RIOK2: variants seen among roughly 807,000 people sequenced by gnomAD.
The protein encoded by RIOK2 is RIO kinase 2.
In RIOK2, 46 loss-of-function variants were observed where a neutral mutation model predicts 62.4. The observed-to-expected ratio is 0.74, with a 90% CI of 0.58 to 0.94. The LOEUF (loss-of-function observed/expected upper bound fraction) is 0.94, where lower values mean the gene tolerates loss of function less well. Ranked by LOEUF, RIOK2 falls within the 40% of genes least tolerant of loss-of-function variation. The probability of loss-of-function intolerance (pLI) is 0.00; values close to 1 mark genes in which losing one functional copy is unlikely to be tolerated. For missense variants in RIOK2, 574 were observed against 658.0 expected, an observed-to-expected ratio of 0.87 and a Z score of 1.40; for synonymous variants, 197 against 216.0, an observed-to-expected ratio of 0.91 and a Z score of 0.77.
intron 8 of RIOK2, chr5:97,166,882 A>G (rs937487445): frequency 9.8e-5 from 96 of 982,052 alleles, no homozygotes; most frequent in Non-Finnish European, 1.1e-4. Context: ...ATGTATCCAG[A>G]GACCTGCAAT....
chr5:97,168,824 T>G lies in RIOK2; in HGVS notation c.808A>C (p.Lys270Gln). ...CTGAAACGTTTCATAAAGAAATCTT[T>G]AATGCATTTAACATCTCTGTCAAAA... The part of the protein sequence containing the change: ...WYFDRDVKCI[K>Q]DFFMKRFSYE... The change falls in exon 7 of 10, where the codon AAA (lysine) becomes CAA (glutamine). Residue 270 changes from lysine (K) to glutamine (Q), a missense_variant. By Grantham distance (53) the Lys-to-Gln change is moderately conservative. Transcript: ENST00000283109. 1.9e-6 allele frequency: 3 copies of G among 1,597,910 alleles called. No individual in the cohort carries two copies. Among genetic ancestry groups the G allele is most frequent in the Non-Finnish European group, 2.6e-6 (3 of 1,174,632 alleles).
intron 5 of RIOK2, 25 bp downstream of exon 5, chr5:97,173,150 G>T (rs1255289769): frequency 1.3e-6 from 2 of 1,483,928 alleles, no homozygotes; most frequent in East Asian, 2.3e-5. Context: ...CAGGATTCAT[G>T]GCTTTAAGAA....
chr5:97,181,419 T>A lies in RIOK2; in HGVS notation c.66+1707A>T, dbSNP rs144934228. The stretch of plus-strand genomic sequence containing the variant: ...GTGGATGCTATCACTGAGCAGGAGA[T>A]AATGGAAGAAAAGGAATGTTTGGGA... On this transcript the variant is annotated intron_variant, in intron 1 of 9. Coordinates refer to ENST00000283109, the MANE Select transcript of RIOK2 (RefSeq NM_018343.3). Among the ~76,000 whole-genome samples the A allele has an allele frequency of 1.7e-4, 26 of 152,030 alleles. No homozygotes were observed. In the East Asian group the frequency reaches 4.8e-3, roughly 28 times the overall value.
intron 8 of RIOK2, chr5:97,167,203 C>T (rs1025061529): frequency 1.1e-5 from 15 of 1,330,904 alleles, no homozygotes; most frequent in East Asian, 6.3e-5. Flanking sequence ...CAGGCATGAG[C>T]GAGCCACTGT....
chr5:97,177,209 CA>C lies in RIOK2; in HGVS notation c.404del (p.Leu135Ter), dbSNP rs1442276580. 1 of 1,613,508 alleles carries C rather than the reference CA, an allele frequency of 6.2e-7. No homozygotes were observed. The highest frequency in any genetic ancestry group is 8.5e-7 in the Non-Finnish European group (1 of 1,179,790). On this transcript the variant is annotated frameshift_variant, in exon 4 of 10. Coordinates refer to ENST00000283109, the MANE Select transcript of RIOK2 (RefSeq NM_018343.3). LOFTEE classifies it high-confidence loss of function. ...GTTTATGATAATCGCGTTTGTTTTT[CA>C]AATTTCGAAACGAGGTTCTTCCTAG... is the stretch of plus-strand genomic sequence containing the variant. The part of the protein sequence containing the change: ...HRLGRTSFRN[L>X]KNKRDYHKHR...
rs139446391 is a variant in RIOK2 at position 97,168,795 on chromosome 5, G to A, written c.837C>T (p.Tyr279=). ...TAAAAGTTGGAAAAAGCTCACTTTC[G>A]TAGCTGAAACGTTTCATAAAGAAAT... ...IKDFFMKRFS[Y]ESELFPTFKD... Residue 279 remains tyrosine (Y), a synonymous_variant, in exon 7 of 10, where the codon TAC becomes TAT. Coordinates refer to ENST00000283109, the MANE Select transcript of RIOK2 (RefSeq NM_018343.3). 83 of 1,600,868 alleles carry A rather than the reference G, an allele frequency of 5.2e-5. 1 individual carries two copies. The Admixed American group carries it at 6.4e-4, about 12-fold the overall frequency.
chr5:97,182,898 A>C, intron 1 of RIOK2: 2 of 558,898 alleles, frequency 3.6e-6, no homozygotes, highest in Non-Finnish European at 6.5e-6. Flanking sequence ...AGCAGAAAAG[A>C]AAACAATTAT....
chr5:97,181,507 A>T (rs1749414062), intron 1 of RIOK2, among the ~76,000 whole-genome samples: 1 of 152,138 alleles, frequency 6.6e-6, no homozygotes, highest in Non-Finnish European at 1.5e-5. Context: ...ATGATTATTG[A>T]TATAGGAGGA....
rs1561520374 is a variant in RIOK2 at position 97,177,175 on chromosome 5, T to C, written c.439A>G (p.Asn147Asp). ...NKRDYHKHRH[N>D]VSWLYLSRLS... ...CGAGATAAATATAGCCATGACACAT[T>C]GTGCCTATGTTTATGATAATCGCGT... Residue 147 changes from asparagine (N) to aspartate (D), a missense_variant, in exon 4 of 10, where the codon AAT becomes GAT. Asn to Asp is a conservative substitution (Grantham distance 23). Transcript: ENST00000283109. 17 of 1,613,074 alleles carry C rather than the reference T, an allele frequency of 1.1e-5. No individual in the cohort carries two copies. The highest frequency in any genetic ancestry group is 1.4e-5 in the Non-Finnish European group (16 of 1,179,412).
Position 97,163,147 on chromosome 5 carries a change from C to A in RIOK2, c.1573G>T (p.Glu525Ter), listed in dbSNP as rs1748747931. 1.2e-6 allele frequency: 2 copies of A among 1,613,530 alleles called. No individual in the cohort carries two copies. Among genetic ancestry groups the A allele is most frequent in the South Asian group, 2.2e-5 (2 of 91,078 alleles). ...SAVRRRLQKG[E>*]ANIFTKQRRE... ...CGTTGCTTGGTAAATATATTTGCTTCTCCTTTCTGCAATCGACGTCTGACA... is the reference window on the plus strand; with the variant it reads ...CGTTGCTTGGTAAATATATTTGCTTATCCTTTCTGCAATCGACGTCTGACA... The change falls in exon 10 of 10, where the codon GAA (glutamate) becomes TAA (stop). Residue 525 changes from glutamate (E) to a stop codon, truncating the protein, a stop_gained. Transcript: ENST00000283109. LOFTEE classifies it high-confidence loss of function.
intron 1 of RIOK2, among the ~76,000 whole-genome samples, chr5:97,181,857 G>A (rs1194033070): frequency 6.6e-6 from 1 of 152,158 alleles, no homozygotes; most frequent in Admixed American, 6.5e-5. Flanking sequence ...AGTGATAGTA[G>A]GTTTTCATAG....
intron 7 of RIOK2, 123 bp downstream of exon 7, chr5:97,168,637 A>G (rs1342971635): frequency 1.9e-6 from 1 of 530,172 alleles, no homozygotes; most frequent in Admixed American, 3.5e-5. Context: ...CAGAGCAATG[A>G]CATCTAACAG....
intron 1 of RIOK2, among the ~76,000 whole-genome samples, chr5:97,181,889 G>A (rs958158456): frequency 1.1e-4 from 16 of 152,142 alleles, no homozygotes; most frequent in African/African-American, 3.9e-4. Flanking sequence ...CTGATTAGAA[G>A]AATCTACATG....
intron 1 of RIOK2, 61 bp from the exon 2 acceptor site, chr5:97,179,254 C>G: frequency 6.5e-7 from 1 of 1,531,762 alleles, no homozygotes; most frequent in Non-Finnish European, 8.8e-7. Flanking sequence ...TATCAAAACC[C>G]TGCGAAATTA....
Position 97,161,619 on chromosome 5 carries a change from A to T in RIOK2, c.*1442T>A, listed in dbSNP as rs2216709. ...AAGAAATCTTAGGCTATTAAAGGTA[A>T]AAATCATGTTTGTCTTGAGTTTCTT... On this transcript the variant is annotated 3_prime_UTR_variant, in exon 10 of 10. Coordinates refer to ENST00000283109, the MANE Select transcript of RIOK2 (RefSeq NM_018343.3). The T allele has an allele frequency of 6.6e-6, 1 of 152,104 alleles. No homozygotes were observed. The highest frequency in any genetic ancestry group is 6.5e-5 in the Admixed American group (1 of 15,272). The allele number at this position is 152,104 out of a possible 1,614,324, so 9.4% of individuals were successfully genotyped here. A position where few individuals can be genotyped will look rare whatever the true frequency, so the allele number is the denominator to read the frequency against.
At chr5:97,171,050 C>T (rs1364567676) in intron 6 of RIOK2, among the ~76,000 whole-genome samples, 156 bp downstream of exon 6, 1 of 151,890 alleles carries the variant, frequency 6.6e-6, no homozygotes, top group African/African-American at 2.4e-5. Flanking sequence ...TATCCCAGCT[C>T]CTCGGGAGGC....
intron 9 of RIOK2, among the ~76,000 whole-genome samples, chr5:97,164,509 CT>C (rs971751980): frequency 5.9e-5 from 9 of 151,288 alleles, no homozygotes; most frequent in Admixed American, 6.6e-5. Context: ...AAGAGCAAAA[CT>C]CCATCTCAAA....
chr5:97,162,871 A>G lies in RIOK2; in HGVS notation c.*190T>C, dbSNP rs1748739394. The G allele has an allele frequency of 6.0e-6, 3 of 503,202 alleles. No individual in the cohort carries two copies. The highest frequency in any genetic ancestry group is 1.0e-5 in the Non-Finnish European group (3 of 290,062). 31.2% of individuals were successfully genotyped at this position (503,202 alleles called of 1,614,324 possible). A position where few individuals can be genotyped will look rare whatever the true frequency, so the allele number is the denominator to read the frequency against. On this transcript the variant is annotated 3_prime_UTR_variant, in exon 10 of 10. Coordinates refer to ENST00000283109, the MANE Select transcript of RIOK2 (RefSeq NM_018343.3). The stretch of plus-strand genomic sequence containing the variant: ...AACTGTAGTTACCCAAATTACTTTG[A>G]AAAAAATGGACTGCTTTGGCAGGTA...
Position 97,179,091 on chromosome 5 carries a change from C to T in RIOK2, c.169G>A (p.Val57Met). The change falls in exon 2 of 10, where the codon GTG becomes ATG. Residue 57 changes from valine (V) to methionine (M), a missense_variant. Physicochemically the swap from Val to Met is conservative, Grantham distance 21. Coordinates refer to ENST00000283109, the MANE Select transcript of RIOK2 (RefSeq NM_018343.3). The stretch of plus-strand genomic sequence containing the variant: ...TCCCAAGCTATGAGTTTATGTTTCA[C>T]TAATTCTCTTAAAACTTTATTACAG... Reference protein sequence around the residue: ...GGCNKVLRELVKHKLIAWERT... With the variant: ...GGCNKVLRELMKHKLIAWERT... 1.2e-6 allele frequency: 2 copies of T among 1,613,968 alleles called. No individual in the cohort carries two copies. Among genetic ancestry groups the T allele is most frequent in the Non-Finnish European group, 8.5e-7 (1 of 1,179,944 alleles).
Sources: gnomAD v4.1 joint callset for allele counts (sites outside exome capture counted in the v4.1 genomes callset) on GRCh38, gnomAD v4.1.1 for gene constraint, MANE v1.5 for transcripts, NCBI Gene and HGNC (gene_info 2026-07-23, HGNC 2026-07-21) for gene names.